Variants in MACROD2 observed in about 807,000 individuals in gnomAD.
The protein encoded by MACROD2 is ADP-ribose glycohydrolase MACROD2.
A neutral mutation model predicts 70.4 loss-of-function variants in MACROD2; 36 were observed. The ratio of observed to expected loss-of-function variants is 0.51; its 90% CI spans 0.39 to 0.68. The LOEUF (loss-of-function observed/expected upper bound fraction) is 0.68. MACROD2 is among the 30% of genes least tolerant of loss of function. The pLI is 0.00. For missense variants in MACROD2, 496 were observed against 538.4 expected, an observed-to-expected ratio of 0.92 and a Z score of 0.78; for synonymous variants, 172 against 178.8, an observed-to-expected ratio of 0.96 and a Z score of 0.30.
chr20:15,415,249 G>A (rs1335326810), intron 6 of MACROD2, among the ~76,000 whole-genome samples: 3 of 152,164 alleles, frequency 2.0e-5, no homozygotes, highest in Middle Eastern at 3.2e-3. Context: ...GTTCCAAAAG[G>A]AACACATTTT....
At position 15,431,319 on chromosome 20, in the gene MACROD2, A is replaced by G. The variant is rs953076399; in HGVS notation, c.541-86A>G. ...ATATGTAAGTAGAGGGCATCCCATT[A>G]TCAAACAAAATAGATGTTGAGAAAG... On this transcript the variant is annotated intron_variant, in intron 6 of 17. Transcript: ENST00000684519. 5 of 1,273,814 alleles carry G rather than the reference A, an allele frequency of 3.9e-6. No homozygotes were observed. In the African/African-American group the frequency reaches 4.4e-5, roughly 11 times the overall value. 78.9% of individuals were successfully genotyped at this position (1,273,814 alleles called of 1,614,324 possible).
At chr20:14,541,671 G>A (rs138840042) in intron 4 of MACROD2, among the ~76,000 whole-genome samples, 2 of 151,958 alleles carry the variant, frequency 1.3e-5, no homozygotes, top group Non-Finnish European at 2.9e-5. Context: ...AGAGGGAATG[G>A]TGTCTATAAA....
At position 15,911,596 on chromosome 20, in the gene MACROD2, G is replaced by A. The variant is rs75480865; in HGVS notation, c.776-21680G>A. ...CAGCCAGGATAAATGTGAAGGATAG[G>A]CAAGAAGCACTGGTAGGTGAAGGTG... On this transcript the variant is annotated intron_variant, in intron 10 of 17. Transcript: ENST00000684519. Among the ~76,000 whole-genome samples the A allele has an allele frequency of 9.2e-3, 1,396 of 152,286 alleles. 11 individuals carry two copies. Among genetic ancestry groups the A allele is most frequent in the Non-Finnish European group, 0.016 (1,060 of 68,018 alleles).
intron 3 of MACROD2, among the ~76,000 whole-genome samples, chr20:14,386,652 C>A (rs1368521709): frequency 6.6e-6 from 1 of 152,130 alleles, no homozygotes; most frequent in East Asian, 1.9e-4. Context: ...TGCCAGCTCC[C>A]CTTTTGCCTT....
chr20:15,423,242 A>T (rs1017769284), intron 6 of MACROD2, among the ~76,000 whole-genome samples: 1 of 151,912 alleles, frequency 6.6e-6, no homozygotes, highest in African/African-American at 2.4e-5. Context: ...TACTACATCT[A>T]CTCCACTTGT....
At chr20:15,558,840 G>A (rs1043735629) in intron 8 of MACROD2, among the ~76,000 whole-genome samples, 4 of 152,242 alleles carry the variant, frequency 2.6e-5, no homozygotes, top group Admixed American at 2.0e-4. Context: ...ATGTGTATAT[G>A]TATTTCTTAT....
intron 7 of MACROD2, among the ~76,000 whole-genome samples, chr20:15,433,846 G>T (rs1461903338): frequency 6.6e-6 from 1 of 151,682 alleles, no homozygotes; most frequent in Admixed American, 6.6e-5. Flanking sequence ...TATAAAGCAG[G>T]CACATAGACC....
At chr20:15,793,725 T>C (rs1418019081) in intron 8 of MACROD2, among the ~76,000 whole-genome samples, 1 of 150,330 alleles carries the variant, frequency 6.7e-6, no homozygotes, top group African/African-American at 2.4e-5. Context: ...TAATTTGAAC[T>C]CAGAAGTTAG....
intron 8 of MACROD2, among the ~76,000 whole-genome samples, chr20:15,764,653 A>G (rs1239620253): frequency 1.3e-5 from 2 of 152,182 alleles, no homozygotes; most frequent in Non-Finnish European, 2.9e-5. Flanking sequence ...AGTTCAAAAC[A>G]TCATTGCCTT....
chr20:15,224,514 C>T (rs2076888520), intron 5 of MACROD2, among the ~76,000 whole-genome samples: 1 of 152,172 alleles, frequency 6.6e-6, no homozygotes. Context: ...TTCTGTCTCT[C>T]TGGGTTGCTT....
chr20:14,223,866 A>G (rs113533414), intron 3 of MACROD2, among the ~76,000 whole-genome samples: 12 of 152,136 alleles, frequency 7.9e-5, no homozygotes, highest in Non-Finnish European at 1.8e-4. Context: ...CAGGATGTAT[A>G]TATAGAAAGA....
intron 5 of MACROD2, among the ~76,000 whole-genome samples, chr20:15,082,532 T>TG (rs2075712760): frequency 1.5e-5 from 2 of 137,906 alleles, no homozygotes; most frequent in South Asian, 2.5e-4. Flanking sequence ...GGTTTTTTTT[T>TG]TTTTTTTTTT....
rs78993600 is a variant in MACROD2 at position 15,879,823 on chromosome 20, C to T, written c.728-5941C>T. ...CCCAGGAGAGCTCATGGCATAGTTT[C>T]AGTCTGAGTTCAAAGGCCTGAGAAC... is the stretch of plus-strand genomic sequence containing the variant. On this transcript the variant is annotated intron_variant, in intron 9 of 17. Coordinates refer to ENST00000684519, the MANE Select transcript of MACROD2 (RefSeq NM_001351661.2). Among the ~76,000 whole-genome samples the T allele has an allele frequency of 5.9e-3, 904 of 152,170 alleles. 13 individuals carry two copies. The highest frequency in any genetic ancestry group is 0.02 in the African/African-American group (845 of 41,524).
At chr20:14,992,473 C>T (rs989596272) in intron 5 of MACROD2, among the ~76,000 whole-genome samples, 4 of 152,144 alleles carry the variant, frequency 2.6e-5, no homozygotes, top group African/African-American at 9.7e-5. Flanking sequence ...ATCATCAAAA[C>T]TGTATTATCA....
At chr20:14,725,238 G>C (rs138604206) in intron 5 of MACROD2, among the ~76,000 whole-genome samples, 1 of 152,180 alleles carries the variant, frequency 6.6e-6, no homozygotes, top group Non-Finnish European at 1.5e-5. Flanking sequence ...AGCTACTTCA[G>C]GGTATTAAGT....
rs138061136 is a variant in MACROD2, at chr20:15,281,898, C to T, written c.540+51837C>T. On this transcript the variant is annotated intron_variant, in intron 6 of 17. Coordinates refer to ENST00000684519, the MANE Select transcript of MACROD2 (RefSeq NM_001351661.2). ...GATCTCCATGAGGGCTCTACCCCTG[C>T]AGCAGATTTCTGCCTGGACATCCAG... Among the ~76,000 whole-genome samples the T allele has an allele frequency of 3.8e-3, 577 of 152,358 alleles. 3 individuals are homozygous for T. Among genetic ancestry groups the T allele is most frequent in the Middle Eastern group, 6.8e-3 (2 of 294 alleles).
intron 7 of MACROD2, among the ~76,000 whole-genome samples, chr20:15,464,961 G>T (rs1046300181): frequency 6.6e-6 from 1 of 152,138 alleles, no homozygotes; most frequent in African/African-American, 2.4e-5. Context: ...CTTACCTCCC[G>T]TGGAGGGAGA....
intron 8 of MACROD2, among the ~76,000 whole-genome samples, chr20:15,687,705 T>C (rs1158451600): frequency 6.6e-6 from 1 of 152,130 alleles, no homozygotes; most frequent in Non-Finnish European, 1.5e-5. Context: ...GGCTACAAAT[T>C]TCTGTTCCTC....
intron 7 of MACROD2, among the ~76,000 whole-genome samples, chr20:15,481,925 TC>T (rs2047103454): frequency 6.6e-6 from 1 of 152,232 alleles, no homozygotes; most frequent in Non-Finnish European, 1.5e-5. Context: ...TCTTTTTTTT[TC>T]TTTTTCTACG....
Sources: allele counts gnomAD v4.1 joint callset (sites outside exome capture counted in the v4.1 genomes callset), GRCh38; gene constraint gnomAD v4.1.1; transcripts MANE v1.5; gene names NCBI Gene and HGNC (gene_info 2026-07-23, HGNC 2026-07-21).